The following LAGE3 variants were observed in gnomAD, a reference collection of about 807,000 sequenced individuals.
LAGE3 encodes the protein EKC/KEOPS complex subunit LAGE3.
Under a neutral mutation model 4.4 loss-of-function variants are expected in LAGE3, and 2 were observed. The observed-to-expected ratio is 0.46, with a 90% CI of 0.19 to 1.44. The LOEUF is 1.44. LAGE3 is among the 40% of genes most tolerant of loss of function. LAGE3 has a pLI of 0.26. For missense variants in LAGE3, 152 were observed against 138.1 expected, an observed-to-expected ratio of 1.10 and a Z score of -0.51; for synonymous variants, 79 against 60.0, an observed-to-expected ratio of 1.32 and a Z score of -1.47.
chrX:154,478,499 AC>A lies in LAGE3; in HGVS notation c.189-89del, dbSNP rs1191890379. The A allele has an allele frequency of 2.8e-6, 3 of 1,076,990 alleles. No homozygotes were observed. In the African/African-American group the frequency reaches 5.7e-5, roughly 20 times the overall value. The allele number at this position is 1,076,990 out of a possible 1,213,427, so 88.8% of individuals were successfully genotyped here. A position where few individuals can be genotyped will look rare whatever the true frequency, so the allele number is the denominator to read the frequency against. On this transcript the variant is annotated intron_variant, in intron 1 of 2. Coordinates refer to ENST00000357360, the MANE Select transcript of LAGE3 (RefSeq NM_006014.5). ...CTCCTCTGAAGCCCCCTCTCAGGTC[AC>A]CCTGCCTAGTGTCACCCCCTTCACT...
rs41299136 is a variant in LAGE3, at chrX:154,478,210, T to C, written c.317+73A>G. ...CCGGCCCAGCGCACCTGGCGCTCCT[T>C]AGGGCTCATCCTTGGATGTCCCCCA... is the stretch of plus-strand genomic sequence containing the variant. On this transcript the variant is annotated intron_variant, in intron 2 of 2. Transcript: ENST00000357360. 9.1e-3 allele frequency: 10,728 copies of C among 1,177,317 alleles called. 48 individuals are homozygous for C. Among genetic ancestry groups the C allele is most frequent in the Non-Finnish European group, 0.01 (8,949 of 869,631 alleles).
intron 1 of LAGE3, 86 bp downstream of exon 1, chrX:154,478,642 C>CCG: frequency 1.3e-6 from 1 of 775,997 alleles, no homozygotes; most frequent in Non-Finnish European, 1.7e-6. Flanking sequence ...CTACCCTTTC[C>CCG]GTCGGCCCCC....
intron 1 of LAGE3, 122 bp downstream of exon 1, chrX:154,478,606 T>C: frequency 1.0e-6 from 1 of 971,236 alleles, no homozygotes; most frequent in Non-Finnish European, 1.3e-6. Context: ...CCTCTGACCG[T>C]ATACGCCAGC....
rs1236498921 is a variant in LAGE3 at position 154,478,926 on chromosome X, G to A, written c.-11C>T. Reference sequence around the variant, plus strand: ...ATCCGCGTCCCGCATGACCGCCGCCGCGCCGCTCCGACTCCACCCCCGAAG... The same window carrying A: ...ATCCGCGTCCCGCATGACCGCCGCCACGCCGCTCCGACTCCACCCCCGAAG... On this transcript the variant is annotated 5_prime_UTR_variant, in exon 1 of 3. Coordinates refer to ENST00000357360, the MANE Select transcript of LAGE3 (RefSeq NM_006014.5). 1.1e-6 allele frequency: 1 copy of A among 894,293 alleles called. No homozygotes were observed. Among genetic ancestry groups the A allele is most frequent in the African/African-American group, 2.1e-5 (1 of 47,985 alleles). The allele number at this position is 894,293 out of a possible 1,213,427, so 73.7% of individuals were successfully genotyped here.
rs2069259525 is a variant in LAGE3, at chrX:154,479,275, C to G, written c.-360G>C. On this transcript the variant is annotated 5_prime_UTR_variant, in exon 1 of 3. Coordinates refer to ENST00000357360, the MANE Select transcript of LAGE3 (RefSeq NM_006014.5). ...TGGTCGCCTATCCCAGAGGCGCACC[C>G]CGCGAGGCTCCGCCCCTAAGCGCGC... 5.8e-6 allele frequency: 1 copy of G among 170,978 alleles called. No individual in the cohort carries two copies. Among genetic ancestry groups the G allele is most frequent in the East Asian group, 1.1e-4 (1 of 8,745 alleles). 14.1% of individuals were successfully genotyped at this position (170,978 alleles called of 1,213,427 possible).
intron 1 of LAGE3, 80 bp downstream of exon 1, chrX:154,478,648 C>T (rs1311078814): frequency 1.2e-5 from 5 of 417,928 alleles, no homozygotes; most frequent in Non-Finnish European, 1.4e-5. Context: ...TTTCCGTCGG[C>T]CCCCCGCCCG....
rs781999457 is a variant in LAGE3, at chrX:154,478,782, G to A, written c.134C>T (p.Pro45Leu). The change falls in exon 1 of 3, where the codon CCG (proline) becomes CTG (leucine). Residue 45 changes from proline to leucine, a missense_variant. Physicochemically the swap from Pro to Leu is moderately conservative, Grantham distance 98. Transcript: ENST00000357360. ...GGAPPAHAPG[P>L]GRDAASAARG... ...GGCCGCAGACGCGGCGTCTCTGCCC[G>A]GACCTGGCGCGTGCGCTGGGGGAGC... The A allele has an allele frequency of 1.1e-5, 12 of 1,131,403 alleles. No homozygotes were observed. The South Asian group carries it at 2.3e-4, about 22-fold the overall frequency. 93.2% of individuals were successfully genotyped at this position (1,131,403 alleles called of 1,213,427 possible). A position where few individuals can be genotyped will look rare whatever the true frequency, so the allele number is the denominator to read the frequency against.
chrX:154,478,389 T>C lies in LAGE3; in HGVS notation c.211A>G (p.Thr71Ala), dbSNP rs1557211336. The C allele has an allele frequency of 8.4e-7, 1 of 1,193,696 alleles. No homozygotes were observed. The highest frequency in any genetic ancestry group is 1.1e-6 in the Non-Finnish European group (1 of 887,788). Residue 71 changes from threonine to alanine, a missense_variant, in exon 2 of 3, where the codon ACC becomes GCC. Coordinates refer to ENST00000357360, the MANE Select transcript of LAGE3 (RefSeq NM_006014.5). ...HIFTLSVPFP[T>A]PLEAEIAHGS... ...TGGGCGATTTCCGCCTCCAAGGGGG[T>C]CGGGAAAGGCACGCTGAGGGTGCTG...
Position 154,478,063 on chromosome X carries a change from A to G in LAGE3, c.318-5T>C. 1 of 1,195,733 alleles carries G rather than the reference A, an allele frequency of 8.4e-7. No individual in the cohort carries two copies. ...CAGTCTTCAGCTTTCCAGCGGCTAAAAGTGAGGGGAAAAGAAAATCAAATT... is the reference window on the plus strand; with the variant it reads ...CAGTCTTCAGCTTTCCAGCGGCTAAGAGTGAGGGGAAAAGAAAATCAAATT... On this transcript the variant is annotated splice_polypyrimidine_tract_variant and splice_region_variant and intron_variant, in intron 2 of 2. Coordinates refer to ENST00000357360, the MANE Select transcript of LAGE3 (RefSeq NM_006014.5).
At position 154,478,466 on chromosome X, in the gene LAGE3, CCTT is replaced by C. The variant is rs782744802; in HGVS notation, c.189-58_189-56del. ...GATACGATCTTGCCTATGTCTCAGG[CCTT>C]CTTGCTCCTCTGAAGCCCCCTCTCA... On this transcript the variant is annotated intron_variant, in intron 1 of 2. Transcript: ENST00000357360. The C allele has an allele frequency of 1.0e-3, 1,182 of 1,135,648 alleles. 1 individual carries two copies. Among genetic ancestry groups the C allele is most frequent in the Middle Eastern group, 2.8e-3 (11 of 3,978 alleles). The allele number at this position is 1,135,648 out of a possible 1,213,427, so 93.6% of individuals were successfully genotyped here.
chrX:154,478,170 C>G, intron 2 of LAGE3, 112 bp from the exon 3 acceptor site: 1 of 1,119,674 alleles, frequency 8.9e-7, no homozygotes, highest in South Asian at 1.9e-5. Context: ...CATTACACAG[C>G]CCCTCAGGCA....
chrX:154,478,415 G>A lies in LAGE3; in HGVS notation c.189-4C>T. On this transcript the variant is annotated splice_region_variant and splice_polypyrimidine_tract_variant and intron_variant, in intron 1 of 2. Coordinates refer to ENST00000357360, the MANE Select transcript of LAGE3 (RefSeq NM_006014.5). ...CGGGAAAGGCACGCTGAGGGTGCTG[G>A]GGGTCATTCGGTTAAGGTGCCATCT... 8.5e-7 allele frequency: 1 copy of A among 1,181,230 alleles called. No homozygotes were observed. The highest frequency in any genetic ancestry group is 1.1e-6 in the Non-Finnish European group (1 of 881,263).
chrX:154,478,798 C>T lies in LAGE3; in HGVS notation c.118G>A (p.Ala40Thr). The T allele has an allele frequency of 4.4e-6, 5 of 1,137,285 alleles. No homozygotes were observed. The highest frequency in any genetic ancestry group is 5.8e-6 in the Non-Finnish European group (5 of 866,749). The allele number at this position is 1,137,285 out of a possible 1,213,427, so 93.7% of individuals were successfully genotyped here. ...TCTCTGCCCGGACCTGGCGCGTGCG[C>T]TGGGGGAGCTCCACCGGCCGGAGCT... ...AAAPAGGAPP[A>T]HAPGPGRDAA... Residue 40 changes from alanine (A) to threonine (T), a missense_variant, in exon 1 of 3, where the codon GCG (alanine) becomes ACG (threonine). Physicochemically the swap from Ala to Thr is moderately conservative, Grantham distance 58 (BLOSUM62 0). Transcript: ENST00000357360.
In LAGE3 at chrX:154,478,357, G is replaced by A. The variant is rs2069251443; in HGVS notation, c.243C>T (p.Ser81=). The change falls in exon 2 of 3, where the codon TCC becomes TCT. Residue 81 remains serine (S), a synonymous_variant. Transcript: ENST00000357360. The part of the protein sequence containing the change: ...TPLEAEIAHG[S]LAPDAEPHQR... The stretch of plus-strand genomic sequence containing the variant: ...GGTGGGGCTCGGCATCTGGTGCCAG[G>A]GACCCATGGGCGATTTCCGCCTCCA... The A allele has an allele frequency of 8.3e-7, 1 of 1,203,710 alleles. No individual in the cohort carries two copies. The highest frequency in any genetic ancestry group is 1.8e-5 in the South Asian group (1 of 55,548).
At position 154,478,963 on chromosome X, in the gene LAGE3, C is replaced by T; in HGVS notation, c.-48G>A. 1 of 659,042 alleles carries T rather than the reference C, an allele frequency of 1.5e-6. No homozygotes were observed. Among genetic ancestry groups the T allele is most frequent in the Non-Finnish European group, 2.0e-6 (1 of 489,327 alleles). 54.3% of individuals were successfully genotyped at this position (659,042 alleles called of 1,213,427 possible). A position where few individuals can be genotyped will look rare whatever the true frequency, so the allele number is the denominator to read the frequency against. Reference sequence around the variant, plus strand: ...CTCCACCCCCGAAGCGCAGGTCCTACGCCCCGCCCTCTCTGTGGCTCCTTC... The same window carrying T: ...CTCCACCCCCGAAGCGCAGGTCCTATGCCCCGCCCTCTCTGTGGCTCCTTC... On this transcript the variant is annotated 5_prime_UTR_variant, in exon 1 of 3. Transcript: ENST00000357360.
rs368919519 is a variant in LAGE3 at position 154,478,013 on chromosome X, G to A, written c.363C>T (p.Ile121=). Residue 121 remains isoleucine (I), a synonymous_variant, in exon 3 of 3, where the codon ATC becomes ATT. Coordinates refer to ENST00000357360, the MANE Select transcript of LAGE3 (RefSeq NM_006014.5). ...EDCRLLRISV[I]NFLDQLSLVV... is the part of the protein sequence containing the mutation. ...CCAGGGAAAGCTGGTCAAGAAAGTT[G>A]ATGACGGAAATTCGGAGCAGGCGAC... 6 of 1,211,180 alleles carry A rather than the reference G, an allele frequency of 5.0e-6. No homozygotes were observed. The highest frequency in any genetic ancestry group is 3.5e-5 in the South Asian group (2 of 56,970).
Position 154,477,982 on chromosome X carries a change from G to T in LAGE3, c.394C>A (p.Arg132=), listed in dbSNP as rs1173821843. The T allele has an allele frequency of 2.5e-6, 3 of 1,210,703 alleles. No individual in the cohort carries two copies. The highest frequency in any genetic ancestry group is 3.5e-5 in the African/African-American group (2 of 57,462). ...NFLDQLSLVV[R]TMQRFGPPVS... ...GGGGGCCCAAAGCGCTGCATGGTCC[G>T]CACCACCAGGGAAAGCTGGTCAAGA... is the stretch of plus-strand genomic sequence containing the variant. The change falls in exon 3 of 3, where the codon CGG becomes AGG. Residue 132 remains arginine (R), a synonymous_variant. Coordinates refer to ENST00000357360, the MANE Select transcript of LAGE3 (RefSeq NM_006014.5).
Position 154,478,993 on chromosome X carries a change from A to G in LAGE3, c.-78T>C, listed in dbSNP as rs2069257342. 3 of 490,363 alleles carry G rather than the reference A, an allele frequency of 6.1e-6. No individual in the cohort carries two copies. Among genetic ancestry groups the G allele is most frequent in the Non-Finnish European group, 8.8e-6 (3 of 339,249 alleles). The allele number at this position is 490,363 out of a possible 1,213,427, so 40.4% of individuals were successfully genotyped here. A position where few individuals can be genotyped will look rare whatever the true frequency, so the allele number is the denominator to read the frequency against. ...CGCCCTCTCTGTGGCTCCTTCCCGA[A>G]GCCCCGCCCCCTGCGCACGACTCCG... On this transcript the variant is annotated 5_prime_UTR_variant, in exon 1 of 3. Transcript: ENST00000357360.
In LAGE3 at chrX:154,477,971, C is replaced by T. The variant is rs1013782347; in HGVS notation, c.405G>A (p.Gln135=). 1 of 1,212,043 alleles carries T rather than the reference C, an allele frequency of 8.3e-7. No individual in the cohort carries two copies. Among genetic ancestry groups the T allele is most frequent in the Non-Finnish European group, 1.1e-6 (1 of 895,357 alleles). Residue 135 remains glutamine (Q), a synonymous_variant, in exon 3 of 3, where the codon CAG becomes CAA. Transcript: ENST00000357360. ...DQLSLVVRTM[Q]RFGPPVSR ...AGCGGGAAACGGGGGGCCCAAAGCG[C>T]TGCATGGTCCGCACCACCAGGGAAA...
Sources: gnomAD v4.1 joint callset for allele counts on GRCh38, gnomAD v4.1.1 for gene constraint, MANE v1.5 for transcripts, NCBI Gene and HGNC (gene_info 2026-07-23, HGNC 2026-07-21) for gene names.